The following CDKN3 variants were observed in gnomAD, a reference collection of about 807,000 sequenced individuals.
CDKN3 encodes the protein cyclin dependent kinase inhibitor 3.
A neutral mutation model predicts 36.1 loss-of-function variants in CDKN3; 19 were observed. The observed-to-expected ratio is 0.53, with a 90% CI of 0.37 to 0.77. The LOEUF (loss-of-function observed/expected upper bound fraction) is 0.77. Ranked by LOEUF, CDKN3 falls within the 30% of genes least tolerant of loss-of-function variation. CDKN3 has a pLI of 0.00. For missense variants in CDKN3, 188 were observed against 248.6 expected (o/e 0.76, Z 1.64); for synonymous variants, 71 against 85.3 (o/e 0.83, Z 0.92).
chr14:54,408,523 T>G, intron 3 of CDKN3: 1 of 482,674 alleles, frequency 2.1e-6, no homozygotes, highest in South Asian at 2.6e-5. Context: ...AACCAGGTAC[T>G]TGTTACAGAA....
At chr14:54,405,365 C>G (rs1223165132) in intron 3 of CDKN3, among the ~76,000 whole-genome samples, 1 of 152,104 alleles carries the variant, frequency 6.6e-6, no homozygotes, top group African/African-American at 2.4e-5. Flanking sequence ...TCTGCTTGGT[C>G]CAGAGCTGAG....
intron 3 of CDKN3, among the ~76,000 whole-genome samples, chr14:54,405,661 C>A (rs2030129158): frequency 6.6e-6 from 1 of 152,246 alleles, no homozygotes; most frequent in South Asian, 2.1e-4. Flanking sequence ...AGGACTGCAA[C>A]CCTTGCTTTT....
At chr14:54,403,618 G>T (rs950231450) in intron 3 of CDKN3, among the ~76,000 whole-genome samples, 1 of 152,118 alleles carries the variant, frequency 6.6e-6, no homozygotes, top group Non-Finnish European at 1.5e-5. Flanking sequence ...GTCTTATGAC[G>T]GTTTTCAAAG....
At chr14:54,406,224 C>A (rs2030151356) in intron 3 of CDKN3, among the ~76,000 whole-genome samples, 1 of 152,164 alleles carries the variant, frequency 6.6e-6, no homozygotes, top group Admixed American at 6.5e-5. Flanking sequence ...ATCTGATGGG[C>A]TTCCTTTTGT....
intron 5 of CDKN3, 64 bp downstream of exon 5, chr14:54,411,770 G>A (rs758504374): frequency 9.5e-6 from 10 of 1,049,032 alleles, no homozygotes; most frequent in South Asian, 7.8e-5. Flanking sequence ...CTGGAATTAT[G>A]GTAGCCCTAT....
At chr14:54,402,996 G>A (rs568741347) in intron 3 of CDKN3, among the ~76,000 whole-genome samples, 18 of 150,828 alleles carry the variant, frequency 1.2e-4, no homozygotes, top group African/African-American at 2.9e-4. Flanking sequence ...TGCCTCCAGC[G>A]TTGTTCTTTT....
Position 54,413,346 on chromosome 14 carries a change from T to C in CDKN3, c.416+1640T>C, listed in dbSNP as rs2030423685. Among the ~76,000 whole-genome samples the C allele has an allele frequency of 3.4e-5, 5 of 149,176 alleles. No homozygotes were observed. The South Asian group carries it at 1.1e-3, about 32-fold the overall frequency. On this transcript the variant is annotated intron_variant, in intron 5 of 7. Coordinates refer to ENST00000335183, the MANE Select transcript of CDKN3 (RefSeq NM_005192.4). ...ACATAGGGCCCTATTTTTCAAACCA[T>C]TTTGAGATCTTTTTTTTTTTTTTCA...
At chr14:54,402,986 T>A (rs1169582942) in intron 3 of CDKN3, among the ~76,000 whole-genome samples, 1 of 152,246 alleles carries the variant, frequency 6.6e-6, no homozygotes, top group Non-Finnish European at 1.5e-5. Flanking sequence ...GGTAGCGTGA[T>A]GCCTCCAGCG....
intron 6 of CDKN3, among the ~76,000 whole-genome samples, chr14:54,417,600 T>A (rs1182832474): frequency 1.3e-5 from 2 of 152,172 alleles, no homozygotes; most frequent in Non-Finnish European, 2.9e-5. Context: ...ATATACTAAA[T>A]CACTGAATGG....
chr14:54,410,608 A>G (rs1008315522), intron 4 of CDKN3, among the ~76,000 whole-genome samples: 2 of 152,246 alleles, frequency 1.3e-5, no homozygotes, highest in African/African-American at 4.8e-5. Context: ...GACCTAGTCT[A>G]TAAAATTAAA....
In CDKN3 at chr14:54,411,836, A is replaced by G. The variant is rs535950817; in HGVS notation, c.416+130A>G. The G allele has an allele frequency of 1.4e-5, 10 of 718,598 alleles. No homozygotes were observed. In the Admixed American group the frequency reaches 2.0e-4, roughly 14 times the overall value. The allele number at this position is 718,598 out of a possible 1,614,324, so 44.5% of individuals were successfully genotyped here. On this transcript the variant is annotated intron_variant, in intron 5 of 7. Transcript: ENST00000335183. ...AAGGATTAAAAGGTAATAATGCACT[A>G]GGAAAGCACTGGCACAATGTCTGGT...
rs977200164 is a variant in CDKN3, at chr14:54,416,251, A to G, written c.448+321A>G. Among the ~76,000 whole-genome samples, 4 of 152,290 alleles carry G rather than the reference A, an allele frequency of 2.6e-5. No homozygotes were observed. The South Asian group carries it at 8.3e-4, about 32-fold the overall frequency. ...TAACTTCCAAATAGTTTCCATGGGTAACTATTTATGAATACCAAAGTTAAT... is the reference window on the plus strand; with the variant it reads ...TAACTTCCAAATAGTTTCCATGGGTGACTATTTATGAATACCAAAGTTAAT... On this transcript the variant is annotated intron_variant, in intron 6 of 7. Coordinates refer to ENST00000335183, the MANE Select transcript of CDKN3 (RefSeq NM_005192.4).
At chr14:54,402,951 A>G (rs1451438414) in intron 3 of CDKN3, among the ~76,000 whole-genome samples, 1 of 152,178 alleles carries the variant, frequency 6.6e-6, no homozygotes, top group African/African-American at 2.4e-5. Context: ...TTGTTACTAT[A>G]GCCTTGTAGT....
chr14:54,401,447 C>A, intron 2 of CDKN3, 77 bp from the exon 3 acceptor site: 1 of 884,812 alleles, frequency 1.1e-6, no homozygotes, highest in South Asian at 1.5e-5. Flanking sequence ...GGCAAGCACC[C>A]ATATTGATTA....
intron 6 of CDKN3, among the ~76,000 whole-genome samples, chr14:54,416,214 G>T (rs1318058877): frequency 6.6e-6 from 1 of 152,104 alleles, no homozygotes; most frequent in Non-Finnish European, 1.5e-5. Flanking sequence ...CTGTGGAGGT[G>T]TTATAATAGA....
intron 1 of CDKN3, among the ~76,000 whole-genome samples, chr14:54,398,562 C>G (rs1275892277): frequency 6.6e-6 from 1 of 152,188 alleles, no homozygotes. Flanking sequence ...GCTGCATACT[C>G]CATTTGATAT....
intron 3 of CDKN3, among the ~76,000 whole-genome samples, chr14:54,402,123 G>A (rs955147186): frequency 6.6e-6 from 1 of 151,408 alleles, no homozygotes; most frequent in Admixed American, 6.6e-5. Flanking sequence ...TAGGAGAATT[G>A]CTTTGACAGG....
intron 5 of CDKN3, among the ~76,000 whole-genome samples, chr14:54,414,700 C>T (rs1331398637): frequency 4.7e-5 from 7 of 148,706 alleles, no homozygotes; most frequent in South Asian, 4.3e-4. Flanking sequence ...TGTGCGCCAC[C>T]GTGCCAGGCT....
intron 5 of CDKN3, among the ~76,000 whole-genome samples, chr14:54,412,325 C>G (rs4251642): frequency 6.6e-6 from 1 of 151,478 alleles, no homozygotes; most frequent in African/African-American, 2.4e-5. Context: ...ACAGAGGTTG[C>G]AGTGAGCCAA....
Sources: gnomAD v4.1 joint callset for allele counts (sites outside exome capture counted in the v4.1 genomes callset) on GRCh38, gnomAD v4.1.1 for gene constraint, MANE v1.5 for transcripts, NCBI Gene and HGNC (gene_info 2026-07-23, HGNC 2026-07-21) for gene names.